The following RBM33 variants were observed in gnomAD, a reference collection of about 807,000 sequenced individuals.
The protein encoded by RBM33 is RNA binding motif protein 33.
Under a neutral mutation model 132.6 loss-of-function variants are expected in RBM33, and 28 were observed. That is an observed-to-expected ratio of 0.21 (90% CI 0.16 to 0.29). RBM33 has a LOEUF of 0.29. Ranked by LOEUF, RBM33 falls within the 10% of genes least tolerant of loss-of-function variation. The pLI, the probability that RBM33 is intolerant of heterozygous loss-of-function variation, is 1.00. For synonymous variants in RBM33, 634 were observed against 593.0 expected, an observed-to-expected ratio of 1.07 and a Z score of -1.01; for missense variants, 1,291 against 1,518.5, an observed-to-expected ratio of 0.85 and a Z score of 2.49.
At chr7:155,714,186 G>A (rs554200325) in intron 8 of RBM33, among the ~76,000 whole-genome samples, 4 of 152,306 alleles carry the variant, frequency 2.6e-5, no homozygotes, top group East Asian at 3.9e-4. Context: ...GCTCATCTGC[G>A]CACACTAGGT....
At chr7:155,732,078 A>G (rs1380497286) in intron 9 of RBM33, among the ~76,000 whole-genome samples, 1 of 152,148 alleles carries the variant, frequency 6.6e-6, no homozygotes, top group African/African-American at 2.4e-5. Flanking sequence ...GAGCCTGCCT[A>G]CTGCTGGTTG....
chr7:155,742,229 CTTT>C (rs35396377), intron 13 of RBM33, 123 bp downstream of exon 13: 348 of 692,028 alleles, frequency 5.0e-4, no homozygotes, highest in South Asian at 6.9e-4. Flanking sequence ...TCACCTGGGT[CTTT>C]TTTTTTTTTT....
At chr7:155,748,958 C>A (rs1430319142) in intron 14 of RBM33, among the ~76,000 whole-genome samples, 1 of 152,048 alleles carries the variant, frequency 6.6e-6, no homozygotes, top group Non-Finnish European at 1.5e-5. Context: ...CCGTTGGCTG[C>A]TCTGAAATTT....
intron 8 of RBM33, 143 bp downstream of exon 8, chr7:155,711,598 T>G: frequency 1.9e-6 from 1 of 537,432 alleles, no homozygotes; most frequent in East Asian, 3.5e-5. Flanking sequence ...GTTCGAATGT[T>G]GAGATTTGAT....
intron 14 of RBM33, among the ~76,000 whole-genome samples, chr7:155,756,654 G>A (rs1769761957): frequency 6.6e-6 from 1 of 152,126 alleles, no homozygotes; most frequent in Non-Finnish European, 1.5e-5. Context: ...AGCTGGGATC[G>A]TGATGTTTAA....
chr7:155,716,316 G>GTTTTTTTTTTGTTTTTTTTTTT (rs1800461185), intron 8 of RBM33, among the ~76,000 whole-genome samples: 1 of 102,384 alleles, frequency 9.8e-6, no homozygotes, highest in Non-Finnish European at 1.9e-5. Context: ...CTTTTCTGCT[G>GTTTTTTTTTTGTTTTTTTTTTT]TTTTTTTTTT....
chr7:155,702,957 C>G (rs1295381382), intron 6 of RBM33, among the ~76,000 whole-genome samples: 2 of 152,188 alleles, frequency 1.3e-5, no homozygotes, highest in African/African-American at 4.8e-5. Flanking sequence ...TAGTCTGCTC[C>G]CTGTGGGCTG....
At chr7:155,651,029 T>C (rs1349196968) in intron 1 of RBM33, among the ~76,000 whole-genome samples, 1 of 152,110 alleles carries the variant, frequency 6.6e-6, no homozygotes, top group African/African-American at 2.4e-5. Context: ...AGGCACATGC[T>C]ACCACACCCA....
At chr7:155,688,592 A>G (rs1383482967) in intron 5 of RBM33, among the ~76,000 whole-genome samples, 3 of 152,210 alleles carry the variant, frequency 2.0e-5, no homozygotes, top group African/African-American at 7.2e-5. Flanking sequence ...TTGCCCATTC[A>G]GTATGATATT....
chr7:155,683,483 A>G (rs559150654), intron 5 of RBM33, among the ~76,000 whole-genome samples: 1 of 152,304 alleles, frequency 6.6e-6, no homozygotes, highest in South Asian at 2.1e-4. Flanking sequence ...ATCTGTTGGA[A>G]CCTACCTGTA....
intron 7 of RBM33, among the ~76,000 whole-genome samples, chr7:155,708,540 C>T (rs1800184262): frequency 6.6e-6 from 1 of 152,190 alleles, no homozygotes; most frequent in African/African-American, 2.4e-5. Flanking sequence ...TCTCACCTGC[C>T]TCCTTAGAGA....
intron 8 of RBM33, among the ~76,000 whole-genome samples, chr7:155,716,314 C>CGGTTTTTT (rs1226140340): frequency 1.6e-4 from 7 of 43,574 alleles, no homozygotes. Flanking sequence ...TCCTTTTCTG[C>CGGTTTTTT]TGTTTTTTTT....
chr7:155,714,770 A>G (rs965701657), intron 8 of RBM33, among the ~76,000 whole-genome samples: 1 of 152,108 alleles, frequency 6.6e-6, no homozygotes, highest in Admixed American at 6.6e-5. Context: ...GAAGTTTCAG[A>G]AGTGGAGAGT....
rs1447969330 is a variant in RBM33, at chr7:155,737,601, T to A, written c.1332T>A (p.Pro444=). ...GTTTCAGCCAGCCCCCACGACTCCC[T>A]CTCCAGGACCAGTGGAGAGCCCCAC... The part of the protein sequence containing the change: ...PNSFSQPPRL[P]LQDQWRAPPP... Residue 444 remains proline (P), a synonymous_variant, in exon 10 of 18, where the codon CCT becomes CCA. Transcript: ENST00000401878. 6.2e-7 allele frequency: 1 copy of A among 1,612,806 alleles called. No homozygotes were observed. Among genetic ancestry groups the A allele is most frequent in the East Asian group, 2.2e-5 (1 of 44,840 alleles).
At chr7:155,764,075 T>C in intron 15 of RBM33, 57 bp downstream of exon 15, 3 of 1,328,020 alleles carry the variant, frequency 2.3e-6, no homozygotes, top group South Asian at 1.5e-5. Context: ...TGTGAGGCAG[T>C]GTTCAGACGT....
rs1043563411 is a variant in RBM33, at chr7:155,775,601, G to A, written c.*560G>A. On this transcript the variant is annotated 3_prime_UTR_variant, in exon 18 of 18. Coordinates refer to ENST00000401878, the MANE Select transcript of RBM33 (RefSeq NM_053043.3). ...TACCCTGGAAAGCCAGGGTGTGAGT[G>A]GGGTGGTTGGGAGTGGTGCCAGTTG... is the stretch of plus-strand genomic sequence containing the variant. 1.9e-5 allele frequency: 3 copies of A among 161,332 alleles called. No individual in the cohort carries two copies. Among genetic ancestry groups the A allele is most frequent in the African/African-American group, 7.2e-5 (3 of 41,658 alleles). 10.0% of individuals were successfully genotyped at this position (161,332 alleles called of 1,614,324 possible).
intron 14 of RBM33, among the ~76,000 whole-genome samples, chr7:155,747,680 A>G (rs1309612778): frequency 1.3e-5 from 2 of 152,250 alleles, no homozygotes; most frequent in East Asian, 1.9e-4. Context: ...CTGTCAAACC[A>G]GTACTTTGGA....
At chr7:155,650,254 AT>A (rs1408039485) in intron 1 of RBM33, among the ~76,000 whole-genome samples, 1 of 152,118 alleles carries the variant, frequency 6.6e-6, no homozygotes, top group African/African-American at 2.4e-5. Flanking sequence ...CACAATCACA[AT>A]TTTTTGAGGA....
In RBM33 at chr7:155,776,624, G is replaced by T. The variant is rs1802621141; in HGVS notation, c.*1583G>T. On this transcript the variant is annotated 3_prime_UTR_variant, in exon 18 of 18. Coordinates refer to ENST00000401878, the MANE Select transcript of RBM33 (RefSeq NM_053043.3). This position sits in a 1 kb window ranked among gnomAD's most constrained non-coding sequence, Gnocchi z 4.0. ...TGAGAGTAACACTGCACGCTGCAGGGGCTGTTGCAGCAGTCAGTCCCAGGA... is the reference window on the plus strand; with the variant it reads ...TGAGAGTAACACTGCACGCTGCAGGTGCTGTTGCAGCAGTCAGTCCCAGGA... 1 of 152,070 alleles carries T rather than the reference G, an allele frequency of 6.6e-6. No homozygotes were observed. The highest frequency in any genetic ancestry group is 2.4e-5 in the African/African-American group (1 of 41,282). The allele number at this position is 152,070 out of a possible 1,614,324, so 9.4% of individuals were successfully genotyped here. A position where few individuals can be genotyped will look rare whatever the true frequency, so the allele number is the denominator to read the frequency against.
Sources: gnomAD v4.1 joint callset for allele counts (sites outside exome capture counted in the v4.1 genomes callset) on GRCh38, gnomAD v4.1.1 for gene constraint, Gnocchi (gnomAD v3.1) non-coding constraint, MANE v1.5 for transcripts, NCBI Gene and HGNC (gene_info 2026-07-23, HGNC 2026-07-21) for gene names.